PLOD1: variants seen among roughly 807,000 people sequenced by gnomAD.
PLOD1 encodes procollagen-lysine,2-oxoglutarate 5-dioxygenase 1.
In PLOD1, 70 loss-of-function variants were observed where a neutral mutation model predicts 94.7. That is an observed-to-expected ratio of 0.74 (90% CI 0.61 to 0.90). PLOD1 has a LOEUF of 0.90. PLOD1 is among the 40% of genes least tolerant of loss of function. PLOD1 has a pLI of 0.00. For missense variants in PLOD1, 905 were observed against 972.7 expected, an observed-to-expected ratio of 0.93 and a Z score of 0.93; for synonymous variants, 417 against 400.2, an observed-to-expected ratio of 1.04 and a Z score of -0.50.
intron 1 of PLOD1, among the ~76,000 whole-genome samples, chr1:11,940,286 G>A (rs931288973): frequency 6.6e-6 from 1 of 152,070 alleles, no homozygotes; most frequent in South Asian, 2.1e-4. Flanking sequence ...GTCTCCCTAA[G>A]TGTTGACATT....
Position 11,949,757 on chromosome 1 carries a change from G to A in PLOD1, c.169-16G>A. On this transcript the variant is annotated splice_polypyrimidine_tract_variant and intron_variant, in intron 2 of 18. Transcript: ENST00000196061. ...TTCTTTACCAAAAGCCCGTGTTAAG[G>A]GGTGTTTCTCTCCAGGCGCTTGGCC... is the stretch of plus-strand genomic sequence containing the variant. 5 of 1,613,544 alleles carry A rather than the reference G, an allele frequency of 3.1e-6. No individual in the cohort carries two copies. Among genetic ancestry groups the A allele is most frequent in the Non-Finnish European group, 4.2e-6 (5 of 1,179,634 alleles).
rs759113604 is a variant in PLOD1 at position 11,965,559 on chromosome 1, A to G, written c.1550A>G (p.His517Arg). The change falls in exon 14 of 19, where the codon CAC (histidine) becomes CGC (arginine). Residue 517 changes from histidine (H) to arginine (R), a missense_variant. Transcript: ENST00000196061. The stretch of plus-strand genomic sequence containing the variant: ...GACAGCTACCGCACCACCCACCTGC[A>G]CAACGACCTCTGGGAGGTGTTCAGC... ...SLDSYRTTHLHNDLWEVFSNP... is the reference protein window; with the variant it reads ...SLDSYRTTHLRNDLWEVFSNP... 1.2e-6 allele frequency: 2 copies of G among 1,613,564 alleles called. No homozygotes were observed. The highest frequency in any genetic ancestry group is 1.7e-6 in the Non-Finnish European group (2 of 1,179,738).
intron 16 of PLOD1, among the ~76,000 whole-genome samples, chr1:11,967,530 C>T (rs1466783258): frequency 7.2e-6 from 1 of 139,464 alleles, no homozygotes; most frequent in East Asian, 2.0e-4. Context: ...GTGAGAATCC[C>T]AACACCTGTT....
chr1:11,941,413 C>A (rs1645614316), intron 1 of PLOD1, among the ~76,000 whole-genome samples: 1 of 151,946 alleles, frequency 6.6e-6, no homozygotes, highest in African/African-American at 2.4e-5. Flanking sequence ...CTCACTGCAA[C>A]CTCTGCCTCC....
At chr1:11,947,268 C>CAAACA (rs1557485073) in intron 1 of PLOD1, among the ~76,000 whole-genome samples, 2 of 144,854 alleles carry the variant, frequency 1.4e-5, no homozygotes, top group African/African-American at 5.1e-5. Context: ...AACAAACAAA[C>CAAACA]AAAAAAAACA....
rs1645792272 is a variant in PLOD1, at chr1:11,963,417, C to G, written c.1098-115C>G. ...GGAACCTTTGAGGCTGCTGGTGTGA[C>G]CTCTCTAAAGCCCCTTGGCTGATAT... is the stretch of plus-strand genomic sequence containing the variant. On this transcript the variant is annotated intron_variant, in intron 10 of 18. Coordinates refer to ENST00000196061, the MANE Select transcript of PLOD1 (RefSeq NM_000302.4). The surrounding 1 kb of genome is among the most constrained non-coding windows in gnomAD (Gnocchi z 4.3). 1 of 732,352 alleles carries G rather than the reference C, an allele frequency of 1.4e-6. No homozygotes were observed. Among genetic ancestry groups the G allele is most frequent in the Non-Finnish European group, 2.5e-6 (1 of 406,006 alleles). 45.4% of individuals were successfully genotyped at this position (732,352 alleles called of 1,614,324 possible).
At chr1:11,971,650 G>A (rs947065985) in intron 17 of PLOD1, 3 of 152,496 alleles carry the variant, frequency 2.0e-5, no homozygotes, top group African/African-American at 7.2e-5. Context: ...TTACAGGCAT[G>A]AGCCACCGTG....
At chr1:11,948,790 G>C (rs1317712482) in intron 2 of PLOD1, among the ~76,000 whole-genome samples, 1 of 152,092 alleles carries the variant, frequency 6.6e-6, no homozygotes, top group African/African-American at 2.4e-5. Context: ...TCGACCACTG[G>C]CATGGGCTTG....
intron 2 of PLOD1, 115 bp from the exon 3 acceptor site, chr1:11,949,658 G>A (rs768382193): frequency 1.4e-5 from 14 of 999,904 alleles, no homozygotes; most frequent in Non-Finnish European, 2.0e-5. Flanking sequence ...GACCTCAGGT[G>A]GTCCACACGT....
At chr1:11,939,420 G>A (rs1645601010) in intron 1 of PLOD1, among the ~76,000 whole-genome samples, 1 of 152,138 alleles carries the variant, frequency 6.6e-6, no homozygotes, top group African/African-American at 2.4e-5. Context: ...AGCAGACTGG[G>A]TGTGTCATGA....
Position 11,973,487 on chromosome 1 carries a change from G to A in PLOD1, c.2028+490G>A, listed in dbSNP as rs151331663. Among the ~76,000 whole-genome samples, 966 of 152,168 alleles carry A rather than the reference G, an allele frequency of 6.3e-3. 10 individuals carry two copies. The highest frequency in any genetic ancestry group is 0.022 in the African/African-American group (911 of 41,536). ...TGCACTCCAGCCTGGGCAACAGAGC[G>A]AGACTCTGTCTCCAAAAAAAACAAA... On this transcript the variant is annotated intron_variant, in intron 18 of 18. Transcript: ENST00000196061.
At chr1:11,949,420 TTCTTTTTC>T (rs1645681237) in intron 2 of PLOD1, among the ~76,000 whole-genome samples, 2 of 152,012 alleles carry the variant, frequency 1.3e-5, no homozygotes, top group African/African-American at 4.8e-5. Flanking sequence ...AAAAAATTAT[TTCTTTTTC>T]TCTTTTTTTG....
intron 1 of PLOD1, among the ~76,000 whole-genome samples, chr1:11,946,034 C>T (rs1179470966): frequency 1.3e-5 from 2 of 152,166 alleles, no homozygotes; most frequent in South Asian, 2.1e-4. Context: ...TCATGTGTGC[C>T]GAGCATCCCA....
intron 10 of PLOD1, among the ~76,000 whole-genome samples, chr1:11,962,177 G>T (rs1323831268): frequency 6.6e-6 from 1 of 151,642 alleles, no homozygotes; most frequent in African/African-American, 2.4e-5. Flanking sequence ...TTATCCTCCC[G>T]TCTCAGCCTC....
intron 1 of PLOD1, among the ~76,000 whole-genome samples, chr1:11,936,851 C>T (rs1361445748): frequency 1.4e-5 from 2 of 141,014 alleles, no homozygotes; most frequent in Admixed American, 7.1e-5. Context: ...TCTTTTCTTT[C>T]TTTTTTTTTT....
chr1:11,964,908 T>A, intron 13 of PLOD1, 123 bp downstream of exon 13: 2 of 1,078,416 alleles, frequency 1.9e-6, no homozygotes, highest in Non-Finnish European at 2.7e-6. Context: ...CCAGAGATTC[T>A]AGCAGGGCAT....
chr1:11,970,304 G>A (rs1221185972), intron 16 of PLOD1, among the ~76,000 whole-genome samples: 4 of 152,094 alleles, frequency 2.6e-5, no homozygotes, highest in African/African-American at 7.2e-5. Context: ...GTGATGGTGC[G>A]TGCCTGTAGT....
Position 11,954,479 on chromosome 1 carries a change from T to C in PLOD1, c.580-351T>C, listed in dbSNP as rs923774524. ...CCAGCCTGGGTGACAAGAGCGAAACTCTTTCTCAAAAAAAAGAATATTTGG... is the reference window on the plus strand; with the variant it reads ...CCAGCCTGGGTGACAAGAGCGAAACCCTTTCTCAAAAAAAAGAATATTTGG... On this transcript the variant is annotated intron_variant, in intron 5 of 18. Transcript: ENST00000196061. 4 of 536,346 alleles carry C rather than the reference T, an allele frequency of 7.5e-6. No individual in the cohort carries two copies. In the Admixed American group the frequency reaches 8.3e-5, roughly 11 times the overall value. The allele number at this position is 536,346 out of a possible 1,614,324, so 33.2% of individuals were successfully genotyped here. A position where few individuals can be genotyped will look rare whatever the true frequency, so the allele number is the denominator to read the frequency against.
rs755705860 is a variant in PLOD1 at position 11,957,958 on chromosome 1, A to G, written c.843+15A>G. 1.9e-6 allele frequency: 3 copies of G among 1,558,726 alleles called. No individual in the cohort carries two copies. Among genetic ancestry groups the G allele is most frequent in the Non-Finnish European group, 2.7e-6 (3 of 1,129,656 alleles). Reference sequence around the variant, plus strand: ...AGGGCATTGGGGTGAGGCTGCGCCCAGGCCTGTGCCTGAGGGACACGGGGG... The same window carrying G: ...AGGGCATTGGGGTGAGGCTGCGCCCGGGCCTGTGCCTGAGGGACACGGGGG... On this transcript the variant is annotated intron_variant, in intron 8 of 18. Transcript: ENST00000196061. This position sits in a 1 kb window ranked among gnomAD's most constrained non-coding sequence, Gnocchi z 4.1.
Sources: gnomAD v4.1 joint callset for allele counts (sites outside exome capture counted in the v4.1 genomes callset) on GRCh38, gnomAD v4.1.1 for gene constraint, Gnocchi (gnomAD v3.1) non-coding constraint, MANE v1.5 for transcripts, NCBI Gene and HGNC (gene_info 2026-07-23, HGNC 2026-07-21) for gene names.